The following VRK1 variants were observed in gnomAD, a reference collection of about 807,000 sequenced individuals.
VRK1 encodes serine/threonine-protein kinase VRK1.
In VRK1, 33 loss-of-function variants were observed where a neutral mutation model predicts 57.1. That is an observed-to-expected ratio of 0.58 (90% CI 0.44 to 0.77). The LOEUF (loss-of-function observed/expected upper bound fraction) is 0.77. Among genes scored for constraint, VRK1 ranks in the 30% least tolerant of loss-of-function variants. The pLI is 0.00. For missense variants in VRK1, 413 were observed against 477.3 expected (o/e 0.87, Z 1.25); for synonymous variants, 137 against 147.8 (o/e 0.93, Z 0.53).
At chr14:96,815,835 A>G (rs1193561152) in intron 1 of VRK1, among the ~76,000 whole-genome samples, 1 of 151,832 alleles carries the variant, frequency 6.6e-6, no homozygotes, top group Non-Finnish European at 1.5e-5. Flanking sequence ...GGCTGCAGTG[A>G]GCCATGATTC....
chr14:96,813,698 A>G (rs1187098737), intron 1 of VRK1, among the ~76,000 whole-genome samples: 6 of 152,116 alleles, frequency 3.9e-5, no homozygotes, highest in African/African-American at 1.4e-4. Context: ...TTGATCTTTT[A>G]TACTATTTTT....
intron 7 of VRK1, among the ~76,000 whole-genome samples, chr14:96,853,400 T>C (rs1169638728): frequency 2.0e-5 from 3 of 152,154 alleles, no homozygotes; most frequent in Admixed American, 6.6e-5. Context: ...GTGCTTGTGA[T>C]ACAAAATGAA....
chr14:96,866,062 T>G, intron 11 of VRK1, among the ~76,000 whole-genome samples: 1 of 152,152 alleles, frequency 6.6e-6, no homozygotes, highest in East Asian at 1.9e-4. Context: ...ATCTTTTGGA[T>G]GCTATGAGCT....
chr14:96,798,067 G>A (rs1237345226), intron 1 of VRK1, among the ~76,000 whole-genome samples: 1 of 152,150 alleles, frequency 6.6e-6, no homozygotes, highest in Non-Finnish European at 1.5e-5. Flanking sequence ...CCTGGGGACC[G>A]CGAGGCCGCC....
At chr14:96,865,022 G>A (rs1185644007) in intron 11 of VRK1, among the ~76,000 whole-genome samples, 1 of 151,848 alleles carries the variant, frequency 6.6e-6, no homozygotes, top group African/African-American at 2.4e-5. Flanking sequence ...CTTCCAGTTG[G>A]TGTTTAATCT....
At chr14:96,838,002 C>G (rs944976082) in intron 3 of VRK1, among the ~76,000 whole-genome samples, 185 bp downstream of exon 3, 6 of 151,838 alleles carry the variant, frequency 4.0e-5, no homozygotes, top group Admixed American at 2.0e-4. Flanking sequence ...GTGAAAAGTT[C>G]CTCTCTTGAA....
chr14:96,877,781 A>G (rs894294078), intron 12 of VRK1: 4 of 680,656 alleles, frequency 5.9e-6, no homozygotes, highest in Admixed American at 6.3e-5. Flanking sequence ...ATCATTTGTT[A>G]CCTGAACTTT....
chr14:96,860,830 A>G (rs754965747), intron 11 of VRK1, 95 bp downstream of exon 11: 2 of 1,363,142 alleles, frequency 1.5e-6, no homozygotes, highest in Non-Finnish European at 2.0e-6. Flanking sequence ...ATGAAGAACA[A>G]TAACAGATTG....
At chr14:96,847,166 T>G (rs924057086) in intron 4 of VRK1, 91 bp from the exon 5 acceptor site, 5 of 944,826 alleles carry the variant, frequency 5.3e-6, no homozygotes, top group African/African-American at 1.6e-5. Context: ...TCTTATTGCA[T>G]GTATAAATAC....
At chr14:96,800,935 T>TG (rs1164599317) in intron 1 of VRK1, among the ~76,000 whole-genome samples, 8 of 152,118 alleles carry the variant, frequency 5.3e-5, no homozygotes, top group Non-Finnish European at 2.9e-5. Context: ...AATATCATAC[T>TG]GATAATGGAA....
chr14:96,858,094 G>T (rs779127994), intron 10 of VRK1, among the ~76,000 whole-genome samples: 3 of 151,842 alleles, frequency 2.0e-5, no homozygotes, highest in Non-Finnish European at 4.4e-5. Context: ...TTTTGAGACA[G>T]GGTCTCACTC....
At chr14:96,849,588 G>T (rs1239774706) in intron 5 of VRK1, among the ~76,000 whole-genome samples, 2 of 152,158 alleles carry the variant, frequency 1.3e-5, no homozygotes, top group African/African-American at 4.8e-5. Flanking sequence ...CCCTATGTGT[G>T]AGATGAGGAT....
At chr14:96,823,046 C>T (rs1246345656) in intron 1 of VRK1, among the ~76,000 whole-genome samples, 1 of 152,180 alleles carries the variant, frequency 6.6e-6, no homozygotes, top group East Asian at 1.9e-4. Context: ...CCTTCAAGTC[C>T]TTGTTCCAAT....
chr14:96,865,624 T>C lies in VRK1; in HGVS notation c.1068+4889T>C, dbSNP rs75143116. 2.6e-4 allele frequency among the ~76,000 whole-genome samples: 39 copies of C among 152,342 alleles called. 2 individuals are homozygous for C. The East Asian group carries it at 7.5e-3, about 29-fold the overall frequency. On this transcript the variant is annotated intron_variant, in intron 11 of 12. Transcript: ENST00000216639. ...CAATTCGGAAAGAACTGACATCTTCTCTTCCATAGCCATAGTAGGCCCCTA... is the reference window on the plus strand; with the variant it reads ...CAATTCGGAAAGAACTGACATCTTCCCTTCCATAGCCATAGTAGGCCCCTA...
chr14:96,818,182 A>T (rs1464975008), intron 1 of VRK1, among the ~76,000 whole-genome samples: 3 of 152,186 alleles, frequency 2.0e-5, no homozygotes, highest in African/African-American at 7.2e-5. Context: ...TGTGTTTGCA[A>T]ATGTACCACA....
chr14:96,847,218 A>G, intron 4 of VRK1, 39 bp from the exon 5 acceptor site: 2 of 1,541,754 alleles, frequency 1.3e-6, no homozygotes, highest in South Asian at 1.1e-5. Flanking sequence ...TCATTTATGT[A>G]TAACAATTGA....
At chr14:96,879,198 G>A (rs1889155877) in intron 12 of VRK1, among the ~76,000 whole-genome samples, 1 of 151,316 alleles carries the variant, frequency 6.6e-6, no homozygotes, top group Non-Finnish European at 1.5e-5. Context: ...TGCCAGTAGT[G>A]TATATTATGA....
chr14:96,833,839 T>C (rs1887109572), intron 2 of VRK1, among the ~76,000 whole-genome samples: 1 of 152,230 alleles, frequency 6.6e-6, no homozygotes, highest in Admixed American at 6.5e-5. Context: ...ATAGCTGTAA[T>C]ACTATCATTA....
Position 96,837,789 on chromosome 14 carries a change from G to A in VRK1, c.188G>A (p.Gly63Asp). 1 of 1,563,162 alleles carries A rather than the reference G, an allele frequency of 6.4e-7. No individual in the cohort carries two copies. The highest frequency in any genetic ancestry group is 1.3e-5 in the South Asian group (1 of 79,856). ...GATATGAATTCTTCAGAGTCAGTTG[G>A]CAGTGATGCACCTTGTGTTGTAAAA... is the stretch of plus-strand genomic sequence containing the variant. Reference protein sequence around the residue: ...LADMNSSESVGSDAPCVVKVE... With the variant: ...LADMNSSESVDSDAPCVVKVE... The change falls in exon 3 of 13, where the codon GGC becomes GAC. Residue 63 changes from glycine to aspartate, a missense_variant. Around this residue, in one of 3 missense-constraint regions of VRK1, gnomAD observed 116 missense variants for 113.6 expected, o/e 1.02. Coordinates refer to ENST00000216639, the MANE Select transcript of VRK1 (RefSeq NM_003384.3).
Sources: allele counts gnomAD v4.1 joint callset (sites outside exome capture counted in the v4.1 genomes callset), GRCh38; gene constraint gnomAD v4.1.1; regional missense constraint gnomAD v4.1.1; transcripts MANE v1.5; gene names NCBI Gene and HGNC (gene_info 2026-07-23, HGNC 2026-07-21).